Variants in KIFAP3 observed in about 807,000 individuals in gnomAD.
KIFAP3 encodes kinesin-associated protein 3.
KIFAP3 carries 68 observed loss-of-function variants against 106.5 expected under a neutral mutation model. That is an observed-to-expected ratio of 0.64 (90% CI 0.53 to 0.78). KIFAP3 has a LOEUF of 0.78. Among genes scored for constraint, KIFAP3 ranks in the 30% least tolerant of loss-of-function variants. The pLI is 0.00. For missense variants in KIFAP3, 780 were observed against 941.8 expected, an observed-to-expected ratio of 0.83 and a Z score of 2.25; for synonymous variants, 320 against 311.5, an observed-to-expected ratio of 1.03 and a Z score of -0.29.
intron 8 of KIFAP3, among the ~76,000 whole-genome samples, chr1:170,028,362 G>A (rs138721088): frequency 0.019 from 2,888 of 151,710 alleles, 77 homozygotes; most frequent in African/African-American, 0.065. Flanking sequence ...TTTCTGAGAC[G>A]GAGTCTCGCT....
intron 11 of KIFAP3, 78 bp downstream of exon 11, chr1:169,992,077 T>C: frequency 3.2e-6 from 2 of 622,410 alleles, no homozygotes; most frequent in Non-Finnish European, 4.9e-6. Context: ...AGAGAGAAAA[T>C]CTTGACAAAT....
intron 1 of KIFAP3, among the ~76,000 whole-genome samples, chr1:170,082,654 C>A (rs561039900): frequency 9.9e-5 from 15 of 152,164 alleles, no homozygotes; most frequent in Admixed American, 2.6e-4. Context: ...AAGTAGTAAG[C>A]CAAATGGGTG....
At chr1:170,008,238 G>T (rs929738149) in intron 10 of KIFAP3, among the ~76,000 whole-genome samples, 1 of 151,568 alleles carries the variant, frequency 6.6e-6, no homozygotes, top group Non-Finnish European at 1.5e-5. Context: ...AACACCAAAA[G>T]CAACGGCAAC....
intron 1 of KIFAP3, 59 bp downstream of exon 1, chr1:170,074,377 C>A (rs1477067387): frequency 3.1e-6 from 5 of 1,597,724 alleles, no homozygotes; most frequent in Non-Finnish European, 4.3e-6. Context: ...ACAGCCAACC[C>A]AAGAACATCT....
intron 1 of KIFAP3, among the ~76,000 whole-genome samples, chr1:170,061,991 C>T (rs1671183931): frequency 6.6e-6 from 1 of 151,954 alleles, no homozygotes; most frequent in East Asian, 1.9e-4. Flanking sequence ...GAATGGGGAA[C>T]ATCACACACT....
intron 3 of KIFAP3, among the ~76,000 whole-genome samples, chr1:170,042,762 C>G (rs1421907837): frequency 6.6e-6 from 1 of 152,088 alleles, no homozygotes; most frequent in Non-Finnish European, 1.5e-5. Flanking sequence ...CATTGGCTAC[C>G]TTCTTGGAGA....
At chr1:170,012,902 C>G (rs1337960114) in intron 10 of KIFAP3, among the ~76,000 whole-genome samples, 1 of 152,132 alleles carries the variant, frequency 6.6e-6, no homozygotes, top group Non-Finnish European at 1.5e-5. Context: ...GACTTATTCA[C>G]TACCATGAGA....
chr1:170,001,635 T>C (rs1486291674), intron 10 of KIFAP3, among the ~76,000 whole-genome samples: 1 of 152,136 alleles, frequency 6.6e-6, no homozygotes, highest in African/African-American at 2.4e-5. Context: ...TAGTAGTCTA[T>C]GAGGAGTTGT....
intron 12 of KIFAP3, among the ~76,000 whole-genome samples, chr1:169,983,980 ATAT>A (rs1666659560): frequency 1.3e-5 from 2 of 151,986 alleles, no homozygotes; most frequent in South Asian, 4.1e-4. Flanking sequence ...ATCACATAAA[ATAT>A]TATTTCAAGA....
intron 1 of KIFAP3, among the ~76,000 whole-genome samples, chr1:170,074,135 A>G (rs1272535447): frequency 1.3e-5 from 2 of 151,948 alleles, no homozygotes; most frequent in African/African-American, 4.8e-5. Context: ...GAAAAAAAAA[A>G]CAAAAGACGC....
chr1:169,981,609 A>G (rs1666527639), intron 15 of KIFAP3, among the ~76,000 whole-genome samples: 1 of 152,154 alleles, frequency 6.6e-6, no homozygotes, highest in African/African-American at 2.4e-5. Context: ...AAAAAAGTAT[A>G]TATAGGGTTT....
intron 19 of KIFAP3, among the ~76,000 whole-genome samples, chr1:169,933,434 TTTC>T (rs1410718805): frequency 6.6e-6 from 1 of 152,044 alleles, no homozygotes; most frequent in African/African-American, 2.4e-5. Context: ...ACATTATGGG[TTTC>T]TTTTTTAAAA....
chr1:169,946,576 T>C (rs922598670), intron 19 of KIFAP3, among the ~76,000 whole-genome samples: 1 of 152,102 alleles, frequency 6.6e-6, no homozygotes, highest in Admixed American at 6.5e-5. Flanking sequence ...ATTAGCTACC[T>C]GGTTTTAGGC....
At chr1:170,071,007 T>C (rs948161516) in intron 1 of KIFAP3, among the ~76,000 whole-genome samples, 5 of 152,142 alleles carry the variant, frequency 3.3e-5, no homozygotes, top group Non-Finnish European at 5.9e-5. Context: ...CATTAGTAAT[T>C]AGGGAAAGGC....
intron 9 of KIFAP3, 142 bp from the exon 10 acceptor site, chr1:170,016,766 T>C: frequency 2.0e-6 from 1 of 502,256 alleles, no homozygotes; most frequent in Non-Finnish European, 3.3e-6. Context: ...TTTCATTCTG[T>C]AAACTTTCCT....
intron 10 of KIFAP3, among the ~76,000 whole-genome samples, chr1:170,006,707 T>C (rs1667984243): frequency 6.6e-6 from 1 of 152,044 alleles, no homozygotes; most frequent in Middle Eastern, 3.4e-3. Flanking sequence ...ACAGTGAAAA[T>C]AGTAAATTGA....
intron 9 of KIFAP3, among the ~76,000 whole-genome samples, chr1:170,022,699 T>C (rs1207492592): frequency 6.6e-6 from 1 of 152,140 alleles, no homozygotes; most frequent in South Asian, 2.1e-4. Context: ...ATATCATCTC[T>C]AGTAAAAATC....
In KIFAP3 at chr1:170,024,576, T is replaced by C. The variant is rs1255846555; in HGVS notation, c.862A>G (p.Asn288Asp). The change falls in exon 9 of 20, where the codon AAT becomes GAT. Residue 288 changes from asparagine to aspartate, a missense_variant. Coordinates refer to ENST00000361580, the MANE Select transcript of KIFAP3 (RefSeq NM_014970.4). The part of the protein sequence containing the change: ...LLRVALYLLL[N>D]LAEDTRTELK... The stretch of plus-strand genomic sequence containing the variant: ...TCGGTACGAGTATCCTCAGCAAGAT[T>C]CAGAAGCAAATAAAGAGCAACTAGA... The C allele has an allele frequency of 2.6e-6, 4 of 1,564,504 alleles. No homozygotes were observed.
At chr1:170,084,930 C>T (rs1021328988) in intron 1 of KIFAP3, 7 of 152,270 alleles carry the variant, frequency 4.6e-5, no homozygotes, top group African/African-American at 7.2e-5. Flanking sequence ...CACACAGCAA[C>T]GGAAAACAGA....
Sources: gnomAD v4.1 joint callset for allele counts (sites outside exome capture counted in the v4.1 genomes callset) on GRCh38, gnomAD v4.1.1 for gene constraint, MANE v1.5 for transcripts, NCBI Gene and HGNC (gene_info 2026-07-23, HGNC 2026-07-21) for gene names.